HERC3: variants seen among roughly 807,000 people sequenced by gnomAD.
HERC3 encodes the protein probable E3 ubiquitin-protein ligase HERC3.
In HERC3, 58 loss-of-function variants were observed where a neutral mutation model predicts 129.9. The observed-to-expected ratio is 0.45, with a 90% CI of 0.36 to 0.56. The LOEUF (loss-of-function observed/expected upper bound fraction) is 0.56. Ranked by LOEUF, HERC3 falls within the 20% of genes least tolerant of loss-of-function variation. The pLI, the probability that HERC3 is intolerant of heterozygous loss-of-function variation, is 0.00. For synonymous variants in HERC3, 430 were observed against 451.0 expected (o/e 0.95, Z 0.59); for missense variants, 835 against 1,244.2 (o/e 0.67, Z 4.95).
intron 23 of HERC3, among the ~76,000 whole-genome samples, chr4:88,700,348 A>G (rs1264245029): frequency 6.6e-6 from 1 of 152,072 alleles, no homozygotes; most frequent in Non-Finnish European, 1.5e-5. Context: ...TGTACGCTTA[A>G]CTTCATAAGA....
chr4:88,667,842 C>T, intron 13 of HERC3, 50 bp from the exon 14 acceptor site: 1 of 1,343,622 alleles, frequency 7.4e-7, no homozygotes, highest in Non-Finnish European at 1.1e-6. Flanking sequence ...AGAAAGTTAA[C>T]TAGATCTCAA....
the HERC3 span, among the ~76,000 whole-genome samples, chr4:88,551,992 G>T: frequency 1.4e-4 from 21 of 152,104 alleles, no homozygotes; most frequent in African/African-American, 4.8e-4. Flanking sequence ...TAGGGACATG[G>T]ATGAAATTGG....
intron 20 of HERC3, 65 bp from the exon 21 acceptor site, chr4:88,681,094 G>T: frequency 6.7e-7 from 1 of 1,486,014 alleles, no homozygotes; most frequent in Non-Finnish European, 9.0e-7. Flanking sequence ...GAGGGAAATG[G>T]TAGAATGTTT....
At chr4:88,595,649 C>T (rs1350424552) in intron 2 of HERC3, 35 bp downstream of exon 2, 1 of 152,070 alleles carries the variant, frequency 6.6e-6, no homozygotes, top group Non-Finnish European at 1.5e-5. Context: ...CTCAGTTTTT[C>T]ATCTTGTAAA....
chr4:88,690,712 C>A, intron 23 of HERC3: 1 of 621,980 alleles, frequency 1.6e-6, no homozygotes, highest in Non-Finnish European at 2.0e-6. Context: ...CAAGTTATTT[C>A]TCTTAGCATA....
intron 16 of HERC3, among the ~76,000 whole-genome samples, chr4:88,672,534 TTAAC>T (rs1302476638): frequency 6.6e-6 from 1 of 152,254 alleles, no homozygotes; most frequent in Non-Finnish European, 1.5e-5. Flanking sequence ...TTATTTTTGT[TTAAC>T]TACTTTTAAA....
chr4:88,611,451 A>G (rs1724314748), intron 3 of HERC3, among the ~76,000 whole-genome samples: 1 of 152,154 alleles, frequency 6.6e-6, no homozygotes, highest in South Asian at 2.1e-4. Flanking sequence ...CTTCTGTGGT[A>G]TTTGGGAAGG....
At position 88,649,802 on chromosome 4, in the gene HERC3, G is replaced by C. The variant is rs748993285; in HGVS notation, c.227-38G>C. 5 of 1,592,330 alleles carry C rather than the reference G, an allele frequency of 3.1e-6. No homozygotes were observed. The African/African-American group carries it at 6.7e-5, about 21-fold the overall frequency. On this transcript the variant is annotated intron_variant, in intron 3 of 25. Transcript: ENST00000402738. ...TAATGGTAGCAGTATTCCTGTTTCT[G>C]GGTTGTACATTTTCCTCCTCCAATT...
At chr4:88,536,993 T>G in the HERC3 span, among the ~76,000 whole-genome samples, 1 of 152,192 alleles carries the variant, frequency 6.6e-6, no homozygotes, top group Non-Finnish European at 1.5e-5. Context: ...TTAACAGATT[T>G]CTGTAGCTAG....
intron 22 of HERC3, 44 bp from the exon 23 acceptor site, chr4:88,687,173 G>A (rs566248776): frequency 6.9e-7 from 1 of 1,456,208 alleles, no homozygotes; most frequent in Non-Finnish European, 9.6e-7. Context: ...AAAGATGAAT[G>A]GTTAACAAAA....
At chr4:88,693,163 G>A (rs1164530917) in intron 23 of HERC3, 1 of 984,892 alleles carries the variant, frequency 1.0e-6, no homozygotes, top group Admixed American at 6.2e-5. Flanking sequence ...TATTTGGCTT[G>A]TTTGTATGTT....
chr4:88,706,743 T>TCTC lies in HERC3; in HGVS notation c.2945-7_2945-5dup. 6.2e-7 allele frequency: 1 copy of TCTC among 1,613,448 alleles called. No individual in the cohort carries two copies. Among genetic ancestry groups the TCTC allele is most frequent in the Non-Finnish European group, 8.5e-7 (1 of 1,179,434 alleles). ...CTTAGCTGCTAATGCCATTTCTCGT[T>TCTC]CTCCCCAGTGTTCCTGACAGGCAGC... On this transcript the variant is annotated splice_polypyrimidine_tract_variant and intron_variant, in intron 25 of 25. Transcript: ENST00000402738.
chr4:88,588,513 T>A (rs1721585610), upstream of HERC3, among the ~76,000 whole-genome samples: 1 of 152,238 alleles, frequency 6.6e-6, no homozygotes, highest in South Asian at 2.1e-4. Context: ...AAGGTACACA[T>A]ACTTTTTACT....
intron 3 of HERC3, among the ~76,000 whole-genome samples, chr4:88,646,963 A>G (rs1217139482): frequency 2.0e-5 from 3 of 152,026 alleles, no homozygotes; most frequent in African/African-American, 7.2e-5. Flanking sequence ...TGTTGTTCCT[A>G]TTGTCCATCT....
At chr4:88,587,412 T>C in the HERC3 span, among the ~76,000 whole-genome samples, 1 of 152,198 alleles carries the variant, frequency 6.6e-6, no homozygotes, top group Non-Finnish European at 1.5e-5. Flanking sequence ...CCATGCTTTG[T>C]AACATGAGCA....
At chr4:88,660,072 A>C (rs763505372) in intron 10 of HERC3, among the ~76,000 whole-genome samples, 1 of 152,206 alleles carries the variant, frequency 6.6e-6, no homozygotes, top group Non-Finnish European at 1.5e-5. Context: ...TTGAAACTGA[A>C]ACCTATGCAC....
intron 4 of HERC3, 91 bp downstream of exon 4, chr4:88,650,090 T>A: frequency 7.6e-7 from 1 of 1,308,948 alleles, no homozygotes; most frequent in Non-Finnish European, 1.1e-6. Context: ...TTTCTTCATT[T>A]AATTGCTATT....
intron 23 of HERC3, among the ~76,000 whole-genome samples, chr4:88,693,890 G>A (rs1235326755): frequency 1.3e-5 from 2 of 152,206 alleles, no homozygotes; most frequent in African/African-American, 4.8e-5. Context: ...ATGAATGATA[G>A]TGTTTGACCT....
chr4:88,655,134 A>G (rs1174164193), intron 7 of HERC3, 40 bp from the exon 8 acceptor site: 2 of 1,610,988 alleles, frequency 1.2e-6, no homozygotes, highest in Admixed American at 3.3e-5. Flanking sequence ...GTATACCCTT[A>G]AAGATACAGT....
Sources: allele counts gnomAD v4.1 joint callset (sites outside exome capture counted in the v4.1 genomes callset), GRCh38; gene constraint gnomAD v4.1.1; transcripts MANE v1.5; gene names NCBI Gene and HGNC (gene_info 2026-07-23, HGNC 2026-07-21).